Variants in FHL3 observed in about 807,000 individuals in gnomAD.
FHL3 encodes four and a half LIM domains 3, also known as four and a half LIM domains protein 3.
A neutral mutation model predicts 34.3 loss-of-function variants in FHL3; 21 were observed. The observed-to-expected ratio is 0.61, with a 90% CI of 0.43 to 0.88. The LOEUF is 0.88. FHL3 is among the 40% of genes least tolerant of loss of function. The pLI is 0.00. For missense variants in FHL3, 333 were observed against 373.7 expected (o/e 0.89, Z 0.90); for synonymous variants, 137 against 144.6 (o/e 0.95, Z 0.38).
rs1282796902 is a variant in FHL3, at chr1:37,997,376, TG to T, written c.*28del. On this transcript the variant is annotated 3_prime_UTR_variant, in exon 6 of 6. Coordinates refer to ENST00000373016, the MANE Select transcript of FHL3 (RefSeq NM_004468.5). The surrounding 1 kb of genome is among the most constrained non-coding windows in gnomAD (Gnocchi z 4.3). ...GAGCCACAGTCCTGGGCCCGTGGTA[TG>T]GGAAAGCCTGGGTCCAGGAGCCCTG... 1.3e-6 allele frequency: 2 copies of T among 1,593,242 alleles called. No homozygotes were observed. The highest frequency in any genetic ancestry group is 1.7e-6 in the Non-Finnish European group (2 of 1,176,142).
chr1:38,003,460 C>G (rs1182376374), intron 1 of FHL3, among the ~76,000 whole-genome samples: 1 of 152,178 alleles, frequency 6.6e-6, no homozygotes, highest in Non-Finnish European at 1.5e-5. Context: ...GAATAGGGGG[C>G]CCCAGGCCCA....
intron 1 of FHL3, among the ~76,000 whole-genome samples, chr1:38,004,038 A>C: frequency 6.7e-6 from 1 of 149,654 alleles, no homozygotes; most frequent in Non-Finnish European, 1.5e-5. Context: ...CCCCTCCCCC[A>C]CCTTCTAGAA....
rs1419179701 is a variant in FHL3, at chr1:37,997,328, G to A, written c.*77C>T. The A allele has an allele frequency of 5.4e-6, 8 of 1,491,474 alleles. No individual in the cohort carries two copies. In the African/African-American group the frequency reaches 8.4e-5, roughly 16 times the overall value. 92.4% of individuals were successfully genotyped at this position (1,491,474 alleles called of 1,614,324 possible). On this transcript the variant is annotated 3_prime_UTR_variant, in exon 6 of 6. Coordinates refer to ENST00000373016, the MANE Select transcript of FHL3 (RefSeq NM_004468.5). This position sits in a 1 kb window ranked among gnomAD's most constrained non-coding sequence, Gnocchi z 4.3. ...CATTTTTTTTGGCGGGGGGAGCTGA[G>A]TCCCAGAGGTGGTTTAGAAAAGGAG...
chr1:37,997,692 G>C lies in FHL3; in HGVS notation c.680C>G (p.Pro227Arg). The change falls in exon 5 of 6, where the codon CCC (proline) becomes CGC (arginine). Residue 227 changes from proline (P) to arginine (R), a missense_variant. Pro to Arg is a moderately radical substitution (Grantham distance 103). Coordinates refer to ENST00000373016, the MANE Select transcript of FHL3 (RefSeq NM_004468.5). The surrounding 1 kb of genome is among the most constrained non-coding windows in gnomAD (Gnocchi z 4.3). The part of the protein sequence containing the change: ...FAPKCSSCKR[P>R]IVGLGGGKYV... ...TTTGACCCTTGTCCCACCTACGATG[G>C]GGCGCTTGCAGCTGCTGCACTTAGG... 1 of 1,614,050 alleles carries C rather than the reference G, an allele frequency of 6.2e-7. No individual in the cohort carries two copies. Among genetic ancestry groups the C allele is most frequent in the South Asian group, 1.1e-5 (1 of 91,080 alleles).
chr1:38,000,459 G>A (rs1367030628), intron 1 of FHL3, among the ~76,000 whole-genome samples: 1 of 152,084 alleles, frequency 6.6e-6, no homozygotes, highest in Non-Finnish European at 1.5e-5. Context: ...TGGGACTAGG[G>A]AGCTGAAAGG....
In FHL3 at chr1:37,997,706, G is replaced by C. The variant is rs1646548814; in HGVS notation, c.666C>G (p.Ser222Arg). 6.2e-7 allele frequency: 1 copy of C among 1,614,144 alleles called. No individual in the cohort carries two copies. The highest frequency in any genetic ancestry group is 2.2e-5 in the East Asian group (1 of 44,874). Residue 222 changes from serine (S) to arginine (R), a missense_variant, in exon 5 of 6, where the codon AGC (serine) becomes AGG (arginine). Coordinates refer to ENST00000373016, the MANE Select transcript of FHL3 (RefSeq NM_004468.5). The surrounding 1 kb of genome is among the most constrained non-coding windows in gnomAD (Gnocchi z 4.3). ...CACCTACGATGGGGCGCTTGCAGCT[G>C]CTGCACTTAGGTGCAAAGAGTTCTC... ...CFGELFAPKC[S>R]SCKRPIVGLG...
At position 37,997,864 on chromosome 1, in the gene FHL3, T is replaced by G; in HGVS notation, c.508A>C (p.Thr170Pro). The change falls in exon 5 of 6, where the codon ACA (threonine) becomes CCA (proline). Residue 170 changes from threonine to proline, a missense_variant. Physicochemically the swap from Thr to Pro is conservative, Grantham distance 38 (BLOSUM62 -1). Transcript: ENST00000373016. The surrounding 1 kb of genome is among the most constrained non-coding windows in gnomAD (Gnocchi z 4.3). Reference sequence around the variant, plus strand: ...TCACGGTATGTCACTCCACCCTGTGTCAGCGTCTGTGGGGGCAGCATCCAT... The same window carrying G: ...TCACGGTATGTCACTCCACCCTGTGGCAGCGTCTGTGGGGGCAGCATCCAT... ...PRCARCSKTLTQGGVTYRDQP... is the reference protein window; with the variant it reads ...PRCARCSKTLPQGGVTYRDQP... 1 of 1,613,722 alleles carries G rather than the reference T, an allele frequency of 6.2e-7. No homozygotes were observed. The highest frequency in any genetic ancestry group is 8.5e-7 in the Non-Finnish European group (1 of 1,179,694).
chr1:38,003,725 C>T (rs1429616464), intron 1 of FHL3, among the ~76,000 whole-genome samples: 1 of 152,178 alleles, frequency 6.6e-6, no homozygotes, highest in Non-Finnish European at 1.5e-5. Flanking sequence ...TGCCCAAGGT[C>T]CCGATCAGGA....
rs61732084 is a variant in FHL3 at position 37,998,998 on chromosome 1, C to T, written c.307G>A (p.Ala103Thr). The stretch of plus-strand genomic sequence containing the variant: ...CCAGGCATGACAGTCTCCCCACAAG[C>T]GGAGCACTGCGAGGAAAACGCACTG... Reference protein sequence around the residue: ...YCSAFSSQCSACGETVMPGSR... With the variant: ...YCSAFSSQCSTCGETVMPGSR... The change falls in exon 3 of 6, where the codon GCT becomes ACT. Residue 103 changes from alanine to threonine, a missense_variant. Ala to Thr is a moderately conservative substitution (Grantham distance 58, BLOSUM62 0). Coordinates refer to ENST00000373016, the MANE Select transcript of FHL3 (RefSeq NM_004468.5). The T allele has an allele frequency of 3.0e-3, 4,855 of 1,614,134 alleles. 136 individuals are homozygous for T. In the African/African-American group the frequency reaches 0.057, roughly 19 times the overall value.
intron 1 of FHL3, 89 bp from the exon 2 acceptor site, chr1:37,999,521 C>G: frequency 8.1e-7 from 1 of 1,239,130 alleles, no homozygotes; most frequent in Non-Finnish European, 1.1e-6. Flanking sequence ...AAAACACAGC[C>G]AAGAGACCCG....
intron 3 of FHL3, among the ~76,000 whole-genome samples, chr1:37,998,412 A>C (rs546536034): frequency 2.0e-5 from 3 of 152,262 alleles, no homozygotes; most frequent in African/African-American, 7.2e-5. Context: ...TCCATGTAAC[A>C]GTCATGAAGT....
At chr1:38,000,758 C>G (rs1464077008) in intron 1 of FHL3, among the ~76,000 whole-genome samples, 2 of 152,168 alleles carry the variant, frequency 1.3e-5, no homozygotes, top group African/African-American at 4.8e-5. Context: ...AGAGCTCCCA[C>G]CCCTGCTCTC....
At chr1:37,998,702 G>A (rs1016442736) in intron 3 of FHL3, 29 of 470,964 alleles carry the variant, frequency 6.2e-5, no homozygotes, top group Non-Finnish European at 9.7e-5. Context: ...AAGCATGACA[G>A]TCTCAGCACA....
Position 37,997,343 on chromosome 1 carries a change from T to C in FHL3, c.*62A>G, listed in dbSNP as rs1646544088. On this transcript the variant is annotated 3_prime_UTR_variant, in exon 6 of 6. Coordinates refer to ENST00000373016, the MANE Select transcript of FHL3 (RefSeq NM_004468.5). This position sits in a 1 kb window ranked among gnomAD's most constrained non-coding sequence, Gnocchi z 4.3. ...GGGGAGCTGAGTCCCAGAGGTGGTT[T>C]AGAAAAGGAGCCACAGTCCTGGGCC... 6.5e-7 allele frequency: 1 copy of C among 1,543,904 alleles called. No homozygotes were observed. The highest frequency in any genetic ancestry group is 2.1e-5 in the Admixed American group (1 of 47,968).
chr1:37,999,106 G>T lies in FHL3; in HGVS notation c.199C>A (p.Arg67Ser). 1.2e-6 allele frequency: 2 copies of T among 1,614,182 alleles called. No individual in the cohort carries two copies. The highest frequency in any genetic ancestry group is 1.7e-6 in the Non-Finnish European group (2 of 1,180,030). ...EDRHFHEGCF[R>S]CCRCQRSLAD... ...AGTGAGCGCTGGCAGCGGCAGCAGC[G>T]GAAGCAGCCCTCGTGGAAATGGCGG... Residue 67 changes from arginine to serine, a missense_variant, in exon 3 of 6, where the codon CGC becomes AGC. By Grantham distance (110) the Arg-to-Ser change is moderately radical. Coordinates refer to ENST00000373016, the MANE Select transcript of FHL3 (RefSeq NM_004468.5).
rs1187618503 is a variant in FHL3 at position 37,997,302 on chromosome 1, C to T, written c.*103G>A. ...ACAATCCTGGAGCCCAGAAGGAGAC[C>T]CATTTTTTTTGGCGGGGGGAGCTGA... On this transcript the variant is annotated 3_prime_UTR_variant, in exon 6 of 6. Transcript: ENST00000373016. This position sits in a 1 kb window ranked among gnomAD's most constrained non-coding sequence, Gnocchi z 4.3. 7.9e-7 allele frequency: 1 copy of T among 1,265,642 alleles called. No homozygotes were observed. The highest frequency in any genetic ancestry group is 1.5e-5 in the African/African-American group (1 of 66,650). 78.4% of individuals were successfully genotyped at this position (1,265,642 alleles called of 1,614,324 possible). A position where few individuals can be genotyped will look rare whatever the true frequency, so the allele number is the denominator to read the frequency against.
intron 1 of FHL3, among the ~76,000 whole-genome samples, chr1:38,004,628 G>A (rs1646625624): frequency 6.6e-6 from 1 of 152,126 alleles, no homozygotes; most frequent in South Asian, 2.1e-4. Flanking sequence ...TGGATCTCAA[G>A]TCTTGGTCTC....
chr1:37,997,361 C>T lies in FHL3; in HGVS notation c.*44G>A. The stretch of plus-strand genomic sequence containing the variant: ...GGTGGTTTAGAAAAGGAGCCACAGT[C>T]CTGGGCCCGTGGTATGGGAAAGCCT... On this transcript the variant is annotated 3_prime_UTR_variant, in exon 6 of 6. Transcript: ENST00000373016. This position sits in a 1 kb window ranked among gnomAD's most constrained non-coding sequence, Gnocchi z 4.3. The T allele has an allele frequency of 6.3e-7, 1 of 1,595,686 alleles. No individual in the cohort carries two copies. Among genetic ancestry groups the T allele is most frequent in the East Asian group, 2.2e-5 (1 of 44,778 alleles).
intron 1 of FHL3, among the ~76,000 whole-genome samples, chr1:38,004,171 G>C (rs1194492700): frequency 1.3e-5 from 2 of 152,202 alleles, no homozygotes; most frequent in African/African-American, 4.8e-5. Flanking sequence ...TTAGGGAAGG[G>C]GGTTGGGGAG....
Sources: gnomAD v4.1 joint callset for allele counts (sites outside exome capture counted in the v4.1 genomes callset) on GRCh38, gnomAD v4.1.1 for gene constraint, Gnocchi (gnomAD v3.1) non-coding constraint, MANE v1.5 for transcripts, NCBI Gene and HGNC (gene_info 2026-07-23, HGNC 2026-07-21) for gene names.